The following MVB12B variants were observed in gnomAD, a reference collection of about 807,000 sequenced individuals.
MVB12B encodes multivesicular body subunit 12B, also known as ESCRT-I complex subunit MVB12B.
MVB12B carries 16 observed loss-of-function variants against 41.6 expected under a neutral mutation model. That is an observed-to-expected ratio of 0.38 (90% CI 0.26 to 0.58). The LOEUF (loss-of-function observed/expected upper bound fraction) is 0.58. Ranked by LOEUF, MVB12B falls within the 20% of genes least tolerant of loss-of-function variation. The probability of loss-of-function intolerance (pLI) is 0.62; values close to 1 mark genes in which losing one functional copy is unlikely to be tolerated. For missense variants in MVB12B, 274 were observed against 380.2 expected (o/e 0.72, Z 2.32); for synonymous variants, 133 against 139.7 (o/e 0.95, Z 0.34).
intron 9 of MVB12B, among the ~76,000 whole-genome samples, chr9:126,496,456 CTACCCACCCACTGT>C (rs149139664): frequency 6.8e-4 from 95 of 140,576 alleles, no homozygotes; most frequent in African/African-American, 2.5e-3. Context: ...CCACCCACCG[CTACCCACCCACTGT>C]TCACTCATTC....
chr9:126,456,770 C>G (rs1375916521), intron 7 of MVB12B, among the ~76,000 whole-genome samples: 1 of 152,176 alleles, frequency 6.6e-6, no homozygotes, highest in Non-Finnish European at 1.5e-5. Flanking sequence ...GTGTTCTGTG[C>G]AAGAGCCATG....
At chr9:126,440,142 C>T (rs1293183775) in intron 7 of MVB12B, among the ~76,000 whole-genome samples, 1 of 152,188 alleles carries the variant, frequency 6.6e-6, no homozygotes, top group Non-Finnish European at 1.5e-5. Context: ...GCGCGAGCCC[C>T]TTGCTGTATG....
intron 6 of MVB12B, among the ~76,000 whole-genome samples, chr9:126,409,379 G>A (rs1356302852): frequency 6.6e-6 from 1 of 151,094 alleles, no homozygotes; most frequent in Non-Finnish European, 1.5e-5. Context: ...CTCACAGGCG[G>A]TGTTACTTTG....
chr9:126,481,567 C>G, intron 8 of MVB12B, 143 bp downstream of exon 8: 1 of 708,808 alleles, frequency 1.4e-6, no homozygotes, highest in African/African-American at 1.8e-5. Context: ...TGCGTGTCCT[C>G]TCTCCCACTG....
At chr9:126,490,508 C>G (rs531113509) in intron 9 of MVB12B, among the ~76,000 whole-genome samples, 24 of 150,618 alleles carry the variant, frequency 1.6e-4, no homozygotes, top group Non-Finnish European at 2.8e-4. Flanking sequence ...GCAGAAACCA[C>G]AGTGCTCCCC....
intron 2 of MVB12B, among the ~76,000 whole-genome samples, chr9:126,343,803 G>T (rs1441048322): frequency 6.6e-6 from 1 of 152,176 alleles, no homozygotes; most frequent in Non-Finnish European, 1.5e-5. Flanking sequence ...TGTAATCCCA[G>T]CTACTCGTGA....
Position 126,382,253 on chromosome 9 carries a change from G to A in MVB12B, c.312+1082G>A, listed in dbSNP as rs1830658154. On this transcript the variant is annotated intron_variant, in intron 3 of 9. Coordinates refer to ENST00000361171, the MANE Select transcript of MVB12B (RefSeq NM_033446.3). ...GTCCCCTTGGTGTTTTCTGAATATC[G>A]ACCATCATGTGGCTCTCTGGCTTGC... is the stretch of plus-strand genomic sequence containing the variant. 2.0e-5 allele frequency among the ~76,000 whole-genome samples: 3 copies of A among 152,106 alleles called. 1 individual carries two copies. The South Asian group carries it at 6.2e-4, about 32-fold the overall frequency.
rs1022337179 is a variant in MVB12B at position 126,441,156 on chromosome 9, C to T, written c.757+19208C>T. On this transcript the variant is annotated intron_variant, in intron 7 of 9. Transcript: ENST00000361171. ...ATAATCCAAGCAAATGTGGCTATCC[C>T]TTTTTCCTCTGTATTTACTCACAAA... Among the ~76,000 whole-genome samples the T allele has an allele frequency of 2.0e-5, 3 of 152,190 alleles. No individual in the cohort carries two copies. In the South Asian group the frequency reaches 6.2e-4, roughly 32 times the overall value.
At position 126,503,281 on chromosome 9, in the gene MVB12B, G is replaced by T. The variant is rs982939512; in HGVS notation, c.*18G>T. On this transcript the variant is annotated 3_prime_UTR_variant, in exon 10 of 10. Coordinates refer to ENST00000361171, the MANE Select transcript of MVB12B (RefSeq NM_033446.3). ...AGTCCTGAGGAGCCAGCGGCCACCT[G>T]CGGGGAGACCACCGCCGCCCAGACT... is the stretch of plus-strand genomic sequence containing the variant. 10 of 1,547,248 alleles carry T rather than the reference G, an allele frequency of 6.5e-6. No homozygotes were observed. The highest frequency in any genetic ancestry group is 8.7e-6 in the Non-Finnish European group (10 of 1,144,556).
intron 2 of MVB12B, among the ~76,000 whole-genome samples, chr9:126,366,715 T>G (rs1388133869): frequency 6.6e-6 from 1 of 152,158 alleles, no homozygotes; most frequent in Non-Finnish European, 1.5e-5. Flanking sequence ...TGTAGTAGCC[T>G]CTCCCTCACT....
chr9:126,350,011 A>G (rs1340204987), intron 2 of MVB12B, among the ~76,000 whole-genome samples: 1 of 152,116 alleles, frequency 6.6e-6, no homozygotes, highest in African/African-American at 2.4e-5. Context: ...TATCGTCAGT[A>G]TTTTTTTGTT....
intron 9 of MVB12B, among the ~76,000 whole-genome samples, chr9:126,500,480 T>C (rs112992657): frequency 0.014 from 2,143 of 151,966 alleles, 53 homozygotes; most frequent in African/African-American, 0.048. Context: ...CATTCCCAGG[T>C]TCCAGTGATT....
At chr9:126,347,437 A>G (rs999587109) in intron 2 of MVB12B, among the ~76,000 whole-genome samples, 2 of 152,228 alleles carry the variant, frequency 1.3e-5, no homozygotes, top group South Asian at 2.1e-4. Flanking sequence ...TAAAAAAACA[A>G]CTGGACCTGT....
At chr9:126,385,723 G>A (rs769273704) in intron 3 of MVB12B, among the ~76,000 whole-genome samples, 5 of 152,194 alleles carry the variant, frequency 3.3e-5, no homozygotes, top group Non-Finnish European at 7.3e-5. Context: ...TGGCTCTGAC[G>A]AGAGAGGGGG....
At chr9:126,402,356 C>A (rs564512321) in intron 6 of MVB12B, among the ~76,000 whole-genome samples, 1 of 151,882 alleles carries the variant, frequency 6.6e-6, no homozygotes, top group Admixed American at 6.6e-5. Flanking sequence ...GGGCTTGGGG[C>A]GCTGGGTGTG....
At chr9:126,378,636 C>CTG (rs966693908) in intron 2 of MVB12B, among the ~76,000 whole-genome samples, 54 of 152,004 alleles carry the variant, frequency 3.6e-4, no homozygotes, top group African/African-American at 1.3e-3. Flanking sequence ...CTCTGTCTCT[C>CTG]TCTCTCTCTC....
intron 7 of MVB12B, among the ~76,000 whole-genome samples, chr9:126,435,799 C>T (rs932327591): frequency 2.6e-5 from 4 of 152,184 alleles, no homozygotes; most frequent in Non-Finnish European, 5.9e-5. Context: ...AGGGGCACAC[C>T]GTCTTTTCTC....
At chr9:126,415,546 A>T (rs1398089295) in intron 6 of MVB12B, among the ~76,000 whole-genome samples, 1 of 152,202 alleles carries the variant, frequency 6.6e-6, no homozygotes. Context: ...AATATCGTGA[A>T]TCAGAAATAG....
chr9:126,354,136 G>C (rs73593686), intron 2 of MVB12B, among the ~76,000 whole-genome samples: 1 of 152,292 alleles, frequency 6.6e-6, no homozygotes, highest in African/African-American at 2.4e-5. Flanking sequence ...TTGACTGTCA[G>C]TTTCCAGTTT....
Sources: allele counts gnomAD v4.1 joint callset (sites outside exome capture counted in the v4.1 genomes callset), GRCh38; gene constraint gnomAD v4.1.1; transcripts MANE v1.5; gene names NCBI Gene and HGNC (gene_info 2026-07-23, HGNC 2026-07-21).